The following CAST variants were observed in gnomAD, a reference collection of about 807,000 sequenced individuals.
CAST encodes MIR583 host.
Under a neutral mutation model 119.6 loss-of-function variants are expected in CAST, and 76 were observed. That is an observed-to-expected ratio of 0.64 (90% CI 0.53 to 0.77). CAST has a LOEUF of 0.77. Among genes scored for constraint, CAST ranks in the 30% least tolerant of loss-of-function variants. CAST has a pLI of 0.00. For missense variants in CAST, 953 were observed against 946.5 expected (o/e 1.01, Z -0.09); for synonymous variants, 319 against 331.6 (o/e 0.96, Z 0.41).
chr5:96,515,229 A>G, the CAST span, among the ~76,000 whole-genome samples: 5 of 152,112 alleles, frequency 3.3e-5, no homozygotes, highest in Admixed American at 2.6e-4. Flanking sequence ...TTTTGTCAAC[A>G]GGAATAGCTA....
upstream of CAST, chr5:96,662,277 T>G (rs1580867649): frequency 3.0e-6 from 3 of 1,001,282 alleles, no homozygotes; most frequent in African/African-American, 3.8e-5. Flanking sequence ...AGACCTGGGG[T>G]GGGGTCGGAA....
intron 1 of CAST, among the ~76,000 whole-genome samples, chr5:96,633,152 T>G (rs1444078417): frequency 1.3e-5 from 2 of 152,126 alleles, no homozygotes; most frequent in Admixed American, 6.5e-5. Context: ...TTTGTATTTT[T>G]AATAGAGATG....
chr5:96,064,698 G>A, the CAST span, among the ~76,000 whole-genome samples: 4 of 95,454 alleles, frequency 4.2e-5, no homozygotes, highest in Non-Finnish European at 9.8e-5. Flanking sequence ...TGTGCCTGTG[G>A]CCTACAGGAG....
chr5:96,666,854 G>C lies in CAST; in HGVS notation c.75+4357G>C, dbSNP rs115423871. On this transcript the variant is annotated intron_variant, in intron 1 of 31. Transcript: ENST00000675179. ...AGTGGGGGGTCATGTGAGATTCCAT[G>C]TGGATAGGTGGGTAATTAGTTCTGA... 9.1e-3 allele frequency among the ~76,000 whole-genome samples: 1,387 copies of C among 152,298 alleles called. 24 individuals are homozygous for C. The highest frequency in any genetic ancestry group is 0.032 in the African/African-American group (1,347 of 41,554).
At chr5:96,630,684 G>A (rs35530229) in intron 1 of CAST, among the ~76,000 whole-genome samples, 2,462 of 152,252 alleles carry the variant, frequency 0.016, 41 homozygotes, top group African/African-American at 0.032. Context: ...TACTTGGGAG[G>A]CTGAGGTGGG....
At chr5:96,146,852 G>T in the CAST span, among the ~76,000 whole-genome samples, 3 of 152,198 alleles carry the variant, frequency 2.0e-5, no homozygotes, top group African/African-American at 7.2e-5. Context: ...TCTCAGTGTT[G>T]CTGAGGCAGG....
chr5:96,471,860 A>G, the CAST span, among the ~76,000 whole-genome samples: 2 of 151,036 alleles, frequency 1.3e-5, no homozygotes, highest in Admixed American at 6.6e-5. Context: ...TTTTTCTACC[A>G]TTTCTCAGAA....
chr5:96,053,409 T>C, the CAST span, among the ~76,000 whole-genome samples: 2 of 152,242 alleles, frequency 1.3e-5, no homozygotes, highest in Non-Finnish European at 2.9e-5. Flanking sequence ...CCTTATCTCC[T>C]AAAAGTTTTG....
chr5:96,671,338 A>C (rs1054455054), intron 1 of CAST, among the ~76,000 whole-genome samples: 3 of 152,182 alleles, frequency 2.0e-5, no homozygotes, highest in Non-Finnish European at 2.9e-5. Context: ...GTTCATTTAT[A>C]AAACAAGTTT....
intron 1 of CAST, among the ~76,000 whole-genome samples, chr5:96,596,163 C>A (rs2150192851): frequency 6.6e-6 from 1 of 152,284 alleles, no homozygotes; most frequent in South Asian, 2.1e-4. Context: ...CAGATGAGAT[C>A]AAGGGATTGA....
chr5:96,749,594 G>A (rs750746867), intron 19 of CAST, among the ~76,000 whole-genome samples: 2 of 152,260 alleles, frequency 1.3e-5, no homozygotes, highest in Non-Finnish European at 2.9e-5. Context: ...TCTCCCAGCT[G>A]GGAGTGTAGT....
Position 96,689,477 on chromosome 5 carries a change from A to AT in CAST, c.139-6351dup, listed in dbSNP as rs1445448966. ...AGGAAAGGAAGAGAATACCGTAAGC[A>AT]TTTTTTTTCTGTAGATTCTGTAAAG... is the stretch of plus-strand genomic sequence containing the variant. On this transcript the variant is annotated intron_variant, in intron 2 of 31. Transcript: ENST00000675179. Among the ~76,000 whole-genome samples the AT allele has an allele frequency of 6.6e-5, 10 of 151,972 alleles. No individual in the cohort carries two copies. The East Asian group carries it at 1.3e-3, about 21-fold the overall frequency.
At chr5:96,103,661 ACGTGTG>A in the CAST span, among the ~76,000 whole-genome samples, 1 of 151,742 alleles carries the variant, frequency 6.6e-6, no homozygotes, top group African/African-American at 2.4e-5. Flanking sequence ...CAATAAACAT[ACGTGTG>A]CATGTGTCTT....
intron 1 of CAST, chr5:96,663,225 G>A (rs539397134): frequency 5.7e-6 from 4 of 702,614 alleles, no homozygotes; most frequent in Admixed American, 2.0e-5. Context: ...GGAAGGGAGT[G>A]TGTTTGCTTT....
chr5:96,619,427 T>G (rs188598758), intron 1 of CAST, among the ~76,000 whole-genome samples: 1 of 151,376 alleles, frequency 6.6e-6, no homozygotes, highest in East Asian at 1.9e-4. Flanking sequence ...ACCAATCAGC[T>G]GTCTGTAAAA....
At chr5:96,386,962 C>T in the CAST span, among the ~76,000 whole-genome samples, 1 of 152,284 alleles carries the variant, frequency 6.6e-6, no homozygotes, top group Non-Finnish European at 1.5e-5. Context: ...AAAACTCCAT[C>T]TCAAAAACAA....
the CAST span, among the ~76,000 whole-genome samples, chr5:96,519,615 T>C: frequency 1.3e-5 from 2 of 152,174 alleles, no homozygotes; most frequent in African/African-American, 4.8e-5. Flanking sequence ...CCGTCTTACT[T>C]TTTTTCTTCA....
the CAST span, chr5:96,215,437 C>T: frequency 6.6e-6 from 1 of 152,130 alleles, no homozygotes; most frequent in Non-Finnish European, 1.5e-5. Flanking sequence ...GAGAGGCCTT[C>T]TTTTACATTT....
chr5:96,223,489 G>A, the CAST span, among the ~76,000 whole-genome samples: 157 of 152,262 alleles, frequency 1.0e-3, 3 homozygotes, highest in Admixed American at 7.2e-4. Flanking sequence ...ATGAGCAAAG[G>A]GAGATTTGAA....
Sources: gnomAD v4.1 joint callset for allele counts (sites outside exome capture counted in the v4.1 genomes callset) on GRCh38, gnomAD v4.1.1 for gene constraint, MANE v1.5 for transcripts, NCBI Gene and HGNC (gene_info 2026-07-23, HGNC 2026-07-21) for gene names.